The following STARD8 variants were observed in gnomAD, a reference collection of about 807,000 sequenced individuals.
STARD8 encodes stAR-related lipid transfer protein 8.
STARD8 carries 25 observed loss-of-function variants against 69.4 expected under a neutral mutation model. The observed-to-expected ratio is 0.36, with a 90% CI of 0.26 to 0.50. The LOEUF is 0.50. STARD8 is among the 20% of genes least tolerant of loss of function. The pLI is 0.96. For synonymous variants in STARD8, 389 were observed against 374.6 expected (o/e 1.04, Z -0.45); for missense variants, 921 against 932.5 (o/e 0.99, Z 0.16).
Position 68,691,974 on chromosome X carries a change from G to A in STARD8, c.80-20940G>A, listed in dbSNP as rs146311307. On this transcript the variant is annotated intron_variant, in intron 2 of 14. Coordinates refer to ENST00000374599, the MANE Select transcript of STARD8 (RefSeq NM_001142503.3). ...TGTAAGCACTGTGCTTGGTTTCCTG[G>A]AGTGGATGGAATTGGCTTTGACAAG... Among the ~76,000 whole-genome samples the A allele has an allele frequency of 2.5e-3, 286 of 112,574 alleles. 1 individual carries two copies. Among genetic ancestry groups the A allele is most frequent in the African/African-American group, 9.0e-3 (279 of 30,992 alleles).
intron 2 of STARD8, among the ~76,000 whole-genome samples, chrX:68,709,770 C>T (rs2080035534): frequency 9.1e-6 from 1 of 110,094 alleles, no homozygotes; most frequent in African/African-American, 3.3e-5. Flanking sequence ...CTGCAGTGAG[C>T]TGTGATAGCG....
chrX:68,677,763 C>T (rs867705955), intron 2 of STARD8, among the ~76,000 whole-genome samples: 6 of 111,106 alleles, frequency 5.4e-5, no homozygotes, highest in Middle Eastern at 4.6e-3. Flanking sequence ...TGTTTCACCC[C>T]CTCTACCTCC....
intron 2 of STARD8, among the ~76,000 whole-genome samples, chrX:68,706,162 C>T (rs2080004989): frequency 1.8e-5 from 2 of 112,083 alleles, no homozygotes; most frequent in Admixed American, 1.9e-4. Flanking sequence ...TGCAGCAGGG[C>T]CCTGAGTTCT....
Position 68,675,962 on chromosome X carries a change from C to T in STARD8, c.79+10430C>T, listed in dbSNP as rs1452021587. The stretch of plus-strand genomic sequence containing the variant: ...GGGTAAGTCCTTTTTCCTCTCTGGG[C>T]CCCAATTTCCCTATCATTAAAATGA... On this transcript the variant is annotated intron_variant, in intron 2 of 14. Transcript: ENST00000374599. Among the ~76,000 whole-genome samples the T allele has an allele frequency of 7.1e-5, 8 of 112,065 alleles. No homozygotes were observed. The East Asian group carries it at 1.4e-3, about 20-fold the overall frequency.
chrX:68,672,544 G>A (rs370822010), intron 2 of STARD8, among the ~76,000 whole-genome samples: 83 of 112,112 alleles, frequency 7.4e-4, no homozygotes, highest in Admixed American at 4.2e-3. Context: ...ATCAGCAGCT[G>A]AGCTTGTGAA....
chrX:68,720,060 G>GT (rs1213271590), intron 7 of STARD8, among the ~76,000 whole-genome samples: 32 of 112,378 alleles, frequency 2.8e-4, no homozygotes, highest in African/African-American at 1.0e-3. Flanking sequence ...TATTGACACA[G>GT]TTATCTCCTT....
At chrX:68,686,929 G>C (rs1162158952) in intron 2 of STARD8, among the ~76,000 whole-genome samples, 1 of 110,863 alleles carries the variant, frequency 9.0e-6, no homozygotes, top group Non-Finnish European at 1.9e-5. Context: ...TCAGTAAACA[G>C]TATGTCCCTT....
At chrX:68,715,916 G>T (rs1410531479) in intron 4 of STARD8, among the ~76,000 whole-genome samples, 2 of 112,508 alleles carry the variant, frequency 1.8e-5, no homozygotes, top group Admixed American at 9.4e-5. Flanking sequence ...TTGCGAGCTG[G>T]CTCATTAGCC....
intron 2 of STARD8, among the ~76,000 whole-genome samples, chrX:68,682,280 T>C (rs2079806019): frequency 8.9e-6 from 1 of 112,350 alleles, no homozygotes; most frequent in African/African-American, 3.2e-5. Flanking sequence ...ATTACAGGCG[T>C]GAAGCACTGC....
intron 2 of STARD8, among the ~76,000 whole-genome samples, chrX:68,712,704 G>T: frequency 1.8e-5 from 2 of 112,013 alleles, no homozygotes; most frequent in Middle Eastern, 9.2e-3. Flanking sequence ...AGGATGCCCA[G>T]ACAGTAGGGC....
intron 1 of STARD8, among the ~76,000 whole-genome samples, chrX:68,653,061 A>C (rs1602534811): frequency 9.0e-4 from 8 of 8,888 alleles, no homozygotes; most frequent in Admixed American, 1.7e-3. Flanking sequence ...CACCACACAC[A>C]CCACACACCA....
At chrX:68,699,494 C>T (rs1235827966) in intron 2 of STARD8, among the ~76,000 whole-genome samples, 3 of 112,166 alleles carry the variant, frequency 2.7e-5, no homozygotes, top group Non-Finnish European at 5.6e-5. Context: ...CGAGTGTGCC[C>T]TCTGGGACCA....
At chrX:68,659,910 G>A (rs761272927) in intron 1 of STARD8, among the ~76,000 whole-genome samples, 3 of 111,610 alleles carry the variant, frequency 2.7e-5, no homozygotes, top group East Asian at 5.7e-4. Context: ...GGGGAAAAGC[G>A]TCCGAGGGAG....
Position 68,678,308 on chromosome X carries a change from C to T in STARD8, c.79+12776C>T, listed in dbSNP as rs138889142. On this transcript the variant is annotated intron_variant, in intron 2 of 14. Transcript: ENST00000374599. ...GTTTAGCAAGTTATTATGAGCCTTG[C>T]TGGGCAAAGAGAGGGAAGAGAGAGG... Among the ~76,000 whole-genome samples, 153 of 110,931 alleles carry T rather than the reference C, an allele frequency of 1.4e-3. 1 individual carries two copies. In the East Asian group the frequency reaches 0.03, roughly 22 times the overall value.
In STARD8 at chrX:68,720,991, C is replaced by T. The variant is rs772283738; in HGVS notation, c.2117C>T (p.Ser706Leu). Residue 706 changes from serine (S) to leucine (L), a missense_variant, in exon 9 of 15, where the codon TCG becomes TTG. Transcript: ENST00000374599. ...IQNLRQMNET[S>L]PDNVCYEGQS... ...AACCTGCGTCAAATGAATGAGACCT[C>T]GCCTGACAATGTCTGCTACGAGGGC... 25 of 1,210,036 alleles carry T rather than the reference C, an allele frequency of 2.1e-5. No homozygotes were observed. Among genetic ancestry groups the T allele is most frequent in the Non-Finnish European group, 2.5e-5 (22 of 895,249 alleles).
chrX:68,666,836 A>G (rs916971259), intron 2 of STARD8, among the ~76,000 whole-genome samples: 6 of 112,281 alleles, frequency 5.3e-5, no homozygotes, highest in African/African-American at 1.9e-4. Flanking sequence ...CTGAGGGCAC[A>G]AGGTCTGTGC....
At chrX:68,705,796 A>G (rs1016115302) in intron 2 of STARD8, among the ~76,000 whole-genome samples, 1 of 112,458 alleles carries the variant, frequency 8.9e-6, no homozygotes, top group East Asian at 2.8e-4. Flanking sequence ...CTTGACCCCC[A>G]CCAATTGAGA....
At position 68,724,154 on chromosome X, in the gene STARD8, T is replaced by C. The variant is rs763235043; in HGVS notation, c.3194+33T>C. The C allele has an allele frequency of 1.1e-5, 13 of 1,196,242 alleles. No individual in the cohort carries two copies. The East Asian group carries it at 1.8e-4, about 16-fold the overall frequency. On this transcript the variant is annotated intron_variant, in intron 14 of 14. Transcript: ENST00000374599. ...GCCTGGGACAGCCTGCTCGACCCCCTTGGCCTTGACCCCCTCCCCTGCCTC... is the reference window on the plus strand; with the variant it reads ...GCCTGGGACAGCCTGCTCGACCCCCCTGGCCTTGACCCCCTCCCCTGCCTC...
chrX:68,684,683 C>T (rs2079820862), intron 2 of STARD8, among the ~76,000 whole-genome samples: 2 of 112,928 alleles, frequency 1.8e-5, no homozygotes, highest in African/African-American at 3.2e-5. Context: ...TTTGTCCTGC[C>T]TGGGCTAGTC....
Sources: allele counts gnomAD v4.1 joint callset (sites outside exome capture counted in the v4.1 genomes callset), GRCh38; gene constraint gnomAD v4.1.1; transcripts MANE v1.5; gene names NCBI Gene and HGNC (gene_info 2026-07-23, HGNC 2026-07-21).